The following S100Z variants were observed in gnomAD, a reference collection of about 807,000 sequenced individuals.
The protein encoded by S100Z is S100 calcium binding protein Z.
In S100Z, 11 loss-of-function variants were observed where a neutral mutation model predicts 8.5. The ratio of observed to expected loss-of-function variants is 1.30; its 90% confidence interval spans 0.82 to 2.15. S100Z has a LOEUF of 2.15. Among genes scored for constraint, S100Z ranks in the 30% most tolerant of loss-of-function variants. The pLI is 0.00. For synonymous variants in S100Z, 34 were observed against 43.8 expected (o/e 0.78, Z 0.89); for missense variants, 126 against 117.9 (o/e 1.07, Z -0.32).
the S100Z span, among the ~76,000 whole-genome samples, chr5:76,926,823 C>T: frequency 6.6e-6 from 1 of 152,174 alleles, no homozygotes; most frequent in Admixed American, 6.5e-5. Context: ...AAAAGATTCC[C>T]CCTGAAGAGT....
At chr5:76,904,023 C>T (rs568424339) in intron 4 of S100Z, among the ~76,000 whole-genome samples, 2 of 152,206 alleles carry the variant, frequency 1.3e-5, no homozygotes, top group East Asian at 3.9e-4. Flanking sequence ...GCATGAGCCA[C>T]TGTGCCCGGC....
chr5:76,903,060 C>T (rs1172931001), intron 4 of S100Z, among the ~76,000 whole-genome samples: 1 of 152,096 alleles, frequency 6.6e-6, no homozygotes, highest in Non-Finnish European at 1.5e-5. Flanking sequence ...ATGGCGGGTG[C>T]CAGTGATCCC....
downstream of S100Z, among the ~76,000 whole-genome samples, chr5:76,923,413 A>T (rs1208215211): frequency 6.6e-6 from 1 of 152,188 alleles, no homozygotes; most frequent in East Asian, 1.9e-4. Context: ...ACTCCTGTTA[A>T]GAGTATTTCA....
chr5:76,873,349 C>T (rs1743074027), intron 2 of S100Z, among the ~76,000 whole-genome samples: 1 of 147,306 alleles, frequency 6.8e-6, no homozygotes, highest in Non-Finnish European at 1.5e-5. Flanking sequence ...TCACTGTCAC[C>T]CAGGATGGAG....
At chr5:76,949,809 G>A in the S100Z span, among the ~76,000 whole-genome samples, 1 of 152,236 alleles carries the variant, frequency 6.6e-6, no homozygotes, top group Non-Finnish European at 1.5e-5. Context: ...TTGGGAGGAG[G>A]GTAAAATGGG....
intron 3 of S100Z, 109 bp from the exon 4 acceptor site, chr5:76,877,565 A>G (rs1383339113): frequency 2.8e-6 from 2 of 713,186 alleles, no homozygotes; most frequent in Non-Finnish European, 4.8e-6. Context: ...ATGTCTTTAG[A>G]TGCTATAAAT....
chr5:76,853,593 C>A (rs982764968), intron 1 of S100Z, among the ~76,000 whole-genome samples: 1 of 151,880 alleles, frequency 6.6e-6, no homozygotes, highest in Non-Finnish European at 1.5e-5. Context: ...GTCAGGAGTT[C>A]AAGATCAGCC....
At chr5:76,939,007 A>G in the S100Z span, among the ~76,000 whole-genome samples, 1 of 152,220 alleles carries the variant, frequency 6.6e-6, no homozygotes, top group Non-Finnish European at 1.5e-5. Flanking sequence ...ATTACAAATG[A>G]TATATTTCTT....
intron 4 of S100Z, among the ~76,000 whole-genome samples, chr5:76,902,484 A>C (rs117502821): frequency 6.6e-6 from 1 of 152,190 alleles, no homozygotes; most frequent in East Asian, 1.9e-4. Flanking sequence ...CACTGCTGCC[A>C]GGGGTGGGGC....
chr5:76,863,830 G>T (rs111621463), intron 1 of S100Z, among the ~76,000 whole-genome samples: 2 of 152,114 alleles, frequency 1.3e-5, no homozygotes, highest in African/African-American at 4.8e-5. Flanking sequence ...GAGCCACTGC[G>T]CCCGGCCAAT....
At chr5:76,895,498 C>G (rs926901230) in intron 4 of S100Z, among the ~76,000 whole-genome samples, 5 of 151,890 alleles carry the variant, frequency 3.3e-5, no homozygotes, top group Admixed American at 1.3e-4. Flanking sequence ...CCCTGATGTC[C>G]AACTTACCCT....
chr5:76,919,973 A>C (rs1465474996), intron 4 of S100Z, among the ~76,000 whole-genome samples: 1 of 149,770 alleles, frequency 6.7e-6, no homozygotes, highest in African/African-American at 2.5e-5. Context: ...CAGTGGTCCA[A>C]TCTTGGCTCA....
At chr5:76,864,958 C>A (rs1483278945) in intron 1 of S100Z, among the ~76,000 whole-genome samples, 2 of 152,308 alleles carry the variant, frequency 1.3e-5, no homozygotes, top group East Asian at 3.9e-4. Context: ...CAGCCCGCCT[C>A]AGCCTCCCAA....
chr5:76,867,812 C>A (rs923125467), intron 1 of S100Z, among the ~76,000 whole-genome samples: 1 of 152,050 alleles, frequency 6.6e-6, no homozygotes, highest in Non-Finnish European at 1.5e-5. Flanking sequence ...AAACTCCTGA[C>A]CTCAGGTGAT....
downstream of S100Z, among the ~76,000 whole-genome samples, chr5:76,925,731 C>T (rs774870206): frequency 3.9e-5 from 6 of 152,106 alleles, no homozygotes; most frequent in Non-Finnish European, 8.8e-5. Context: ...CTTTAAGAGG[C>T]TGAGGGGGGC....
chr5:76,947,616 A>G, the S100Z span, among the ~76,000 whole-genome samples: 1 of 152,226 alleles, frequency 6.6e-6, no homozygotes, highest in African/African-American at 2.4e-5. Context: ...TTCAAAATAT[A>G]TCACAAATCT....
chr5:76,865,293 G>A (rs1751233075), intron 1 of S100Z, among the ~76,000 whole-genome samples: 1 of 145,106 alleles, frequency 6.9e-6, no homozygotes, highest in Non-Finnish European at 1.5e-5. Context: ...TACCCAGGCT[G>A]GAGTGCAGTG....
intron 4 of S100Z, among the ~76,000 whole-genome samples, chr5:76,897,020 T>G (rs538687670): frequency 6.6e-6 from 1 of 152,364 alleles, no homozygotes; most frequent in African/African-American, 2.4e-5. Flanking sequence ...TCTGTGTGTC[T>G]GTTTTTATGC....
the S100Z span, among the ~76,000 whole-genome samples, chr5:76,927,643 G>C: frequency 3.3e-5 from 5 of 152,164 alleles, no homozygotes; most frequent in Non-Finnish European, 7.4e-5. Flanking sequence ...AATTTTAAAA[G>C]AAAACTCAAA....
Sources: gnomAD v4.1 joint callset for allele counts (sites outside exome capture counted in the v4.1 genomes callset) on GRCh38, gnomAD v4.1.1 for gene constraint, MANE v1.5 for transcripts, NCBI Gene and HGNC (gene_info 2026-07-23, HGNC 2026-07-21) for gene names.